The following NPAS2 variants were observed in gnomAD, a reference collection of about 807,000 sequenced individuals.
NPAS2 encodes neuronal PAS domain protein 2, also known as neuronal PAS domain-containing protein 2.
In NPAS2, 23 loss-of-function variants were observed where a neutral mutation model predicts 107.5. That is an observed-to-expected ratio of 0.21 (90% CI 0.15 to 0.30). The LOEUF (loss-of-function observed/expected upper bound fraction) is 0.30, where lower values mean the gene tolerates loss of function less well. Ranked by LOEUF, NPAS2 falls within the 10% of genes least tolerant of loss-of-function variation. The pLI is 1.00. For synonymous variants in NPAS2, 403 were observed against 417.5 expected, an observed-to-expected ratio of 0.97 and a Z score of 0.42; for missense variants, 756 against 1,043.3, an observed-to-expected ratio of 0.72 and a Z score of 3.79.
intron 10 of NPAS2, among the ~76,000 whole-genome samples, chr2:100,967,658 T>C (rs557056254): frequency 6.6e-6 from 1 of 152,324 alleles, no homozygotes; most frequent in Non-Finnish European, 1.5e-5. Flanking sequence ...GTAGTCCATC[T>C]TTCTGCCCTG....
At chr2:100,869,861 A>G (rs910576828) in intron 1 of NPAS2, among the ~76,000 whole-genome samples, 1 of 145,612 alleles carries the variant, frequency 6.9e-6, no homozygotes, top group Non-Finnish European at 1.5e-5. Flanking sequence ...TCAGGACCCC[A>G]CTTCCTCTCT....
At position 100,976,386 on chromosome 2, in the gene NPAS2, G is replaced by A. The variant is rs1020925996; in HGVS notation, c.1392+819G>A. 2.6e-5 allele frequency among the ~76,000 whole-genome samples: 4 copies of A among 152,080 alleles called. No individual in the cohort carries two copies. The highest frequency in any genetic ancestry group is 4.8e-5 in the African/African-American group (2 of 41,418). ...GTTCCAAGAGGAGACACCTGGAGACGCAGGCAGGAACCATGCAGACCTCTG... is the reference window on the plus strand; with the variant it reads ...GTTCCAAGAGGAGACACCTGGAGACACAGGCAGGAACCATGCAGACCTCTG... On this transcript the variant is annotated intron_variant, in intron 14 of 20. Transcript: ENST00000335681. This position sits in a 1 kb window ranked among gnomAD's most constrained non-coding sequence, Gnocchi z 4.1.
At chr2:100,951,747 G>A (rs991496568) in intron 7 of NPAS2, among the ~76,000 whole-genome samples, 2 of 152,128 alleles carry the variant, frequency 1.3e-5, no homozygotes, top group African/African-American at 2.4e-5. Flanking sequence ...TCCTTGAGGT[G>A]GATGGTGGGA....
intron 13 of NPAS2, 139 bp from the exon 14 acceptor site, chr2:100,975,319 A>T: frequency 1.3e-6 from 1 of 765,500 alleles, no homozygotes; most frequent in Non-Finnish European, 2.2e-6. Flanking sequence ...GTTCAGCTCA[A>T]CCCTGCATGG....
intron 1 of NPAS2, chr2:100,878,078 G>A (rs1680099099): frequency 5.1e-6 from 5 of 985,372 alleles, no homozygotes; most frequent in Non-Finnish European, 6.0e-6. Context: ...AAGTGGTGAC[G>A]AGTCAGCATT....
rs764455170 is a variant in NPAS2 at position 100,968,258 on chromosome 2, C to G, written c.908-23C>G. ...TTTTCATATTAACATTGGTTATATG[C>G]GGAATCCATTTTCTACCGACAGTGA... is the stretch of plus-strand genomic sequence containing the variant. On this transcript the variant is annotated intron_variant, in intron 10 of 20. Coordinates refer to ENST00000335681, the MANE Select transcript of NPAS2 (RefSeq NM_002518.4). This position sits in a 1 kb window ranked among gnomAD's most constrained non-coding sequence, Gnocchi z 5.3. 193 of 1,610,548 alleles carry G rather than the reference C, an allele frequency of 1.2e-4. No homozygotes were observed. Among genetic ancestry groups the G allele is most frequent in the Non-Finnish European group, 1.5e-4 (182 of 1,177,286 alleles).
intron 7 of NPAS2, among the ~76,000 whole-genome samples, chr2:100,957,146 T>C (rs1016609863): frequency 2.0e-5 from 3 of 152,242 alleles, no homozygotes; most frequent in African/African-American, 7.2e-5. Flanking sequence ...TTCACATCTT[T>C]AACCTAGATT....
chr2:100,862,392 T>C (rs560449815), intron 1 of NPAS2, among the ~76,000 whole-genome samples: 1 of 152,326 alleles, frequency 6.6e-6, no homozygotes, highest in South Asian at 2.1e-4. Flanking sequence ...CAGCTGATAT[T>C]CATCGGGCTG....
intron 1 of NPAS2, among the ~76,000 whole-genome samples, chr2:100,827,096 C>T (rs1177515559): frequency 2.6e-5 from 4 of 152,132 alleles, no homozygotes; most frequent in Admixed American, 2.6e-4. Flanking sequence ...TGGCTATGAT[C>T]GACCTTGCAG....
rs1362876894 is a variant in NPAS2 at position 100,996,604 on chromosome 2, T to C, written c.*1022T>C. 6.5e-6 allele frequency: 1 copy of C among 152,688 alleles called. No individual in the cohort carries two copies. The highest frequency in any genetic ancestry group is 1.5e-5 in the Non-Finnish European group (1 of 68,040). The allele number at this position is 152,688 out of a possible 1,614,324, so 9.5% of individuals were successfully genotyped here. ...TTTTGTATGTTTTGTTATGTTGAGA[T>C]GTTTCTAAAGAAAAGATTTTATGTA... On this transcript the variant is annotated 3_prime_UTR_variant, in exon 21 of 21. Coordinates refer to ENST00000335681, the MANE Select transcript of NPAS2 (RefSeq NM_002518.4).
At chr2:100,867,458 C>T (rs1422136096) in intron 1 of NPAS2, among the ~76,000 whole-genome samples, 5 of 152,146 alleles carry the variant, frequency 3.3e-5, no homozygotes, top group East Asian at 1.9e-4. Context: ...TTATATGCTA[C>T]TAAGTTATGT....
chr2:100,984,037 A>G (rs1677633410), intron 16 of NPAS2: 1 of 152,144 alleles, frequency 6.6e-6, no homozygotes, highest in Non-Finnish European at 1.5e-5. Flanking sequence ...ATAACAAAGT[A>G]TTTTTCCTCC....
chr2:100,979,879 CA>C (rs923555508), intron 15 of NPAS2, among the ~76,000 whole-genome samples: 2 of 152,160 alleles, frequency 1.3e-5, no homozygotes, highest in Non-Finnish European at 2.9e-5. Flanking sequence ...CTTTCCAAGT[CA>C]CACAGTTCTT....
chr2:100,950,817 A>G (rs1232568855), intron 7 of NPAS2, among the ~76,000 whole-genome samples: 1 of 152,168 alleles, frequency 6.6e-6, no homozygotes, highest in Admixed American at 6.5e-5. Context: ...ATCTGGGCAA[A>G]GTCAGATGAG....
chr2:100,993,278 T>C (rs904608467), intron 19 of NPAS2, 69 bp from the exon 20 acceptor site: 5 of 1,399,610 alleles, frequency 3.6e-6, no homozygotes, highest in Non-Finnish European at 4.8e-6. Flanking sequence ...TCTTTGTTGC[T>C]CGTGCTTTTG....
intron 1 of NPAS2, among the ~76,000 whole-genome samples, chr2:100,879,931 C>T (rs778291227): frequency 8.3e-4 from 127 of 152,214 alleles, no homozygotes; most frequent in Middle Eastern, 3.4e-3. Flanking sequence ...ACAGGGACAC[C>T]GGGCCCACTT....
intron 1 of NPAS2, among the ~76,000 whole-genome samples, chr2:100,873,268 AAAAATACATATATATAT>A (rs1234517542): frequency 8.0e-4 from 80 of 99,556 alleles, no homozygotes; most frequent in African/African-American, 4.0e-3. Flanking sequence ...AAAAAAAAAA[AAAAATACATATATATAT>A]ATATATATAT....
chr2:100,906,787 C>T (rs1288334999), intron 2 of NPAS2, among the ~76,000 whole-genome samples: 3 of 152,174 alleles, frequency 2.0e-5, no homozygotes, highest in Non-Finnish European at 2.9e-5. Context: ...CTTTTATGTA[C>T]GTCATCTCAT....
At chr2:100,858,797 G>A (rs774384810) in intron 1 of NPAS2, among the ~76,000 whole-genome samples, 14 of 152,214 alleles carry the variant, frequency 9.2e-5, no homozygotes, top group Non-Finnish European at 1.5e-4. Context: ...GTCATTAAGG[G>A]TGATCATGTT....
Sources: gnomAD v4.1 joint callset for allele counts (sites outside exome capture counted in the v4.1 genomes callset) on GRCh38, gnomAD v4.1.1 for gene constraint, Gnocchi (gnomAD v3.1) non-coding constraint, MANE v1.5 for transcripts, NCBI Gene and HGNC (gene_info 2026-07-23, HGNC 2026-07-21) for gene names.